ASIC2: variants seen among roughly 807,000 people sequenced by gnomAD.
ASIC2 encodes acid-sensing ion channel 2.
ASIC2 carries 25 observed loss-of-function variants against 57.3 expected under a neutral mutation model. The ratio of observed to expected loss-of-function variants is 0.44; its 90% CI spans 0.32 to 0.61. The LOEUF is 0.61. Ranked by LOEUF, ASIC2 falls within the 20% of genes least tolerant of loss-of-function variation. ASIC2 has a pLI of 0.06. For synonymous variants in ASIC2, 319 were observed against 307.5 expected (o/e 1.04, Z -0.39); for missense variants, 641 against 738.1 (o/e 0.87, Z 1.52).
At chr17:33,568,865 A>G (rs1341338493) in intron 1 of ASIC2, among the ~76,000 whole-genome samples, 1 of 152,156 alleles carries the variant, frequency 6.6e-6, no homozygotes, top group Non-Finnish European at 1.5e-5. Flanking sequence ...AACTGTGTAT[A>G]TTTTGCTAAG....
At chr17:33,839,488 A>T (rs540550545) in intron 1 of ASIC2, among the ~76,000 whole-genome samples, 75 of 151,426 alleles carry the variant, frequency 5.0e-4, no homozygotes, top group Non-Finnish European at 9.6e-4. Context: ...CCAGCCCCAA[A>T]CTCACCCTTC....
chr17:33,678,387 A>G (rs553630067), intron 1 of ASIC2, among the ~76,000 whole-genome samples: 1 of 150,230 alleles, frequency 6.7e-6, no homozygotes, highest in Admixed American at 6.7e-5. Context: ...GGTTGAGGAG[A>G]GTTTTCATTA....
At chr17:33,993,894 T>C (rs1048383836) in intron 1 of ASIC2, among the ~76,000 whole-genome samples, 5 of 152,212 alleles carry the variant, frequency 3.3e-5, no homozygotes, top group Admixed American at 1.3e-4. Flanking sequence ...TTACTGTCTC[T>C]GCCTCTTGCT....
intron 1 of ASIC2, among the ~76,000 whole-genome samples, chr17:33,519,440 C>G (rs996523746): frequency 6.6e-6 from 1 of 152,128 alleles, no homozygotes; most frequent in Non-Finnish European, 1.5e-5. Flanking sequence ...AGCTATGACC[C>G]CCGTATTTCT....
At chr17:33,856,950 G>A (rs1313459911) in intron 1 of ASIC2, among the ~76,000 whole-genome samples, 2 of 152,090 alleles carry the variant, frequency 1.3e-5, no homozygotes, top group Non-Finnish European at 2.9e-5. Flanking sequence ...AGTCACGGAG[G>A]AGCCATCCTG....
At chr17:33,344,910 C>G (rs1328452473) in intron 1 of ASIC2, among the ~76,000 whole-genome samples, 1 of 150,088 alleles carries the variant, frequency 6.7e-6, no homozygotes, top group African/African-American at 2.4e-5. Context: ...AGTCATGCCA[C>G]TATATATGCA....
rs77453083 is a variant in ASIC2 at position 33,935,265 on chromosome 17, C to T, written c.555+220713G>A. ...AAATGTCACCTTTTCTGTATAACCTCCCTCGGACAGTCAGTTGCTCTTACT... is the reference window on the plus strand; with the variant it reads ...AAATGTCACCTTTTCTGTATAACCTTCCTCGGACAGTCAGTTGCTCTTACT... On this transcript the variant is annotated intron_variant, in intron 1 of 9. Coordinates refer to the ASIC2 transcript ENST00000359872. 3.5e-3 allele frequency among the ~76,000 whole-genome samples: 527 copies of T among 152,338 alleles called. 5 individuals carry two copies. Among genetic ancestry groups the T allele is most frequent in the African/African-American group, 0.012 (510 of 41,562 alleles).
intron 1 of ASIC2, among the ~76,000 whole-genome samples, chr17:33,969,412 A>G (rs545554924): frequency 4.3e-4 from 66 of 152,316 alleles, no homozygotes; most frequent in Non-Finnish European, 8.2e-4. Context: ...TGCAGGCACA[A>G]GGATATGGCT....
At chr17:33,368,599 C>T (rs115807136) in intron 1 of ASIC2, among the ~76,000 whole-genome samples, 1,947 of 152,304 alleles carry the variant, frequency 0.013, 43 homozygotes, top group African/African-American at 0.045. Context: ...ATTTTCCCAA[C>T]GTTAGCACTG....
Position 34,131,264 on chromosome 17 carries a change from T to G in ASIC2, c.555+24714A>C, listed in dbSNP as rs1333044558. ...GTAGTGACATATTGAGAGCTGTGTT[T>G]CAGACAGGGCCATTTGGTCATGGGA... On this transcript the variant is annotated intron_variant, in intron 1 of 9. Transcript: ENST00000359872. Among the ~76,000 whole-genome samples the G allele has an allele frequency of 3.9e-5, 6 of 152,178 alleles. No individual in the cohort carries two copies. The South Asian group carries it at 6.2e-4, about 16-fold the overall frequency.
intron 1 of ASIC2, among the ~76,000 whole-genome samples, chr17:33,940,468 AC>A (rs1250962965): frequency 1.3e-5 from 2 of 152,152 alleles, no homozygotes; most frequent in Non-Finnish European, 2.9e-5. Flanking sequence ...GATAAATTGC[AC>A]TGTGGTTTCA....
rs1224607085 is a variant in ASIC2, at chr17:33,023,903, T to G, written c.1307A>C (p.Lys436Thr). ...TTTGTTAAATTTCTTCTCAAGGTACTTGGCTGATGTCTTGCTGGGGATCTT... is the reference window on the plus strand; with the variant it reads ...TTTGTTAAATTTCTTCTCAAGGTACGTGGCTGATGTCTTGCTGGGGATCTT... Reference protein sequence around the residue: ...MVKIPSKTSAKYLEKKFNKSE... With the variant: ...MVKIPSKTSATYLEKKFNKSE... Residue 436 changes from lysine (K) to threonine (T), a missense_variant, in exon 6 of 10, where the codon AAG becomes ACG. Lys to Thr is a moderately conservative substitution (Grantham distance 78). Coordinates refer to ENST00000225823, the MANE Select transcript of ASIC2 (RefSeq NM_183377.2). 1.2e-6 allele frequency: 2 copies of G among 1,614,268 alleles called. No individual in the cohort carries two copies. The highest frequency in any genetic ancestry group is 1.7e-6 in the Non-Finnish European group (2 of 1,180,054).
intron 1 of ASIC2, among the ~76,000 whole-genome samples, chr17:34,104,103 A>C (rs987104051): frequency 3.9e-5 from 6 of 152,098 alleles, no homozygotes; most frequent in Admixed American, 1.3e-4. Context: ...ATATCTCTTC[A>C]TTTATTTATG....
chr17:33,015,897 C>A, intron 9 of ASIC2, 74 bp downstream of exon 9: 1 of 1,531,636 alleles, frequency 6.5e-7, no homozygotes, highest in African/African-American at 1.4e-5. Flanking sequence ...CCTGCCCGGC[C>A]CCAGCATCTG....
intron 1 of ASIC2, among the ~76,000 whole-genome samples, chr17:33,117,881 G>A (rs1202560472): frequency 1.3e-5 from 2 of 152,032 alleles, no homozygotes; most frequent in Admixed American, 6.5e-5. Context: ...AAAAATGGGG[G>A]TTTGGGGGTT....
At chr17:33,620,487 G>A (rs770156234) in intron 1 of ASIC2, among the ~76,000 whole-genome samples, 7 of 152,156 alleles carry the variant, frequency 4.6e-5, no homozygotes, top group African/African-American at 1.7e-4. Context: ...AGGGATTTGG[G>A]ATTGCTTTGT....
At chr17:33,766,051 G>T (rs534088660) in intron 1 of ASIC2, among the ~76,000 whole-genome samples, 8 of 152,236 alleles carry the variant, frequency 5.3e-5, no homozygotes, top group African/African-American at 1.9e-4. Flanking sequence ...AGCATATAAT[G>T]GTCCCTCTTT....
rs78040082 is a variant in ASIC2 at position 33,099,410 on chromosome 17, G to A, written c.860-10420C>T. Among the ~76,000 whole-genome samples, 960 of 152,318 alleles carry A rather than the reference G, an allele frequency of 6.3e-3. 30 individuals are homozygous for A. Among genetic ancestry groups the A allele is most frequent in the Admixed American group, 0.052 (791 of 15,294 alleles). On this transcript the variant is annotated intron_variant, in intron 2 of 9. Coordinates refer to ENST00000225823, the MANE Select transcript of ASIC2 (RefSeq NM_183377.2). Reference sequence around the variant, plus strand: ...GTATGAGGATCAGTGGCTGGAATGTGGGAAAGCACCTTATACACTGTGGGG... The same window carrying A: ...GTATGAGGATCAGTGGCTGGAATGTAGGAAAGCACCTTATACACTGTGGGG...
chr17:33,836,147 T>C (rs1408965159), intron 1 of ASIC2, among the ~76,000 whole-genome samples: 1 of 134,640 alleles, frequency 7.4e-6, no homozygotes, highest in Non-Finnish European at 1.6e-5. Context: ...GGAGACAGTC[T>C]CACTCTGTTA....
Sources: allele counts gnomAD v4.1 joint callset (sites outside exome capture counted in the v4.1 genomes callset), GRCh38; gene constraint gnomAD v4.1.1; transcripts MANE v1.5; gene names NCBI Gene and HGNC (gene_info 2026-07-23, HGNC 2026-07-21).